MMP26: variants seen among roughly 807,000 people sequenced by gnomAD.
MMP26 encodes the protein matrix metalloproteinase-26.
Under a neutral mutation model 31.0 loss-of-function variants are expected in MMP26, and 33 were observed. That is an observed-to-expected ratio of 1.06 (90% CI 0.81 to 1.42). MMP26 has a LOEUF of 1.42. Ranked by LOEUF, MMP26 falls within the 40% of genes most tolerant of loss-of-function variation. The pLI, the probability that MMP26 is intolerant of heterozygous loss-of-function variation, is 0.00. For missense variants in MMP26, 347 were observed against 316.1 expected (o/e 1.10, Z -0.74); for synonymous variants, 122 against 114.9 (o/e 1.06, Z -0.40).
intron 2 of MMP26, among the ~76,000 whole-genome samples, chr11:4,899,796 T>C (rs537058629): frequency 1.1e-3 from 171 of 152,250 alleles, no homozygotes; most frequent in Middle Eastern, 0.01. Flanking sequence ...ATAAATTTTA[T>C]TTATTTTATT....
intron 2 of MMP26, chr11:4,848,252 C>A: frequency 6.2e-7 from 1 of 1,606,660 alleles, no homozygotes; most frequent in Non-Finnish European, 8.5e-7. Flanking sequence ...GAGCACCACC[C>A]ACCTTCCTGG....
intron 2 of MMP26, among the ~76,000 whole-genome samples, chr11:4,983,892 A>G (rs976700121): frequency 6.6e-6 from 1 of 152,218 alleles, no homozygotes. Context: ...CTGCATTTTT[A>G]TTAATATCCA....
chr11:4,804,147 G>A, intron 2 of MMP26: 2 of 1,614,188 alleles, frequency 1.2e-6, no homozygotes, highest in South Asian at 2.2e-5. Context: ...GTTGAGTGGA[G>A]GAGGAGAGGA....
At chr11:4,906,773 T>C (rs1249744886) in intron 2 of MMP26, among the ~76,000 whole-genome samples, 2 of 152,144 alleles carry the variant, frequency 1.3e-5, no homozygotes, top group Non-Finnish European at 1.5e-5. Flanking sequence ...CATTTTGATA[T>C]GTTTTATATA....
intron 2 of MMP26, among the ~76,000 whole-genome samples, chr11:4,785,940 C>T (rs1009347534): frequency 1.3e-5 from 2 of 152,182 alleles, no homozygotes; most frequent in Non-Finnish European, 2.9e-5. Context: ...AGGGTTTTGC[C>T]TGAGGAAATC....
rs763278327 is a variant in MMP26, at chr11:4,848,350, G to C, written c.-145+81009G>C. 3 of 1,614,000 alleles carry C rather than the reference G, an allele frequency of 1.9e-6. No homozygotes were observed. The African/African-American group carries it at 4.0e-5, about 22-fold the overall frequency. ...TTTATCAATGGAGGAAGAAGGAAAT[G>C]GACATAGGATAGAAGAGTATGGGTA... On this transcript the variant is annotated intron_variant, in intron 2 of 7. Coordinates refer to ENST00000380390, the MANE Select transcript of MMP26 (RefSeq NM_021801.5).
At position 4,948,286 on chromosome 11, in the gene MMP26, T is replaced by C. The variant is rs1846339199; in HGVS notation, c.-144-39782T>C. Among the ~76,000 whole-genome samples, 5 of 124,986 alleles carry C rather than the reference T, an allele frequency of 4.0e-5. 2 individuals are homozygous for C. Among genetic ancestry groups the C allele is most frequent in the Admixed American group, 2.7e-4 (3 of 11,274 alleles). The allele number at this position is 124,986 out of a possible 152,430, so 82.0% of individuals were successfully genotyped here. ...AAATTGTTTTACTTACTGAGTTCCATTACCAGATGATGATTTGGAATCTTG... is the reference window on the plus strand; with the variant it reads ...AAATTGTTTTACTTACTGAGTTCCACTACCAGATGATGATTTGGAATCTTG... On this transcript the variant is annotated intron_variant, in intron 2 of 7. Transcript: ENST00000380390.
chr11:4,857,078 T>C (rs1850064673), intron 2 of MMP26, among the ~76,000 whole-genome samples: 1 of 152,144 alleles, frequency 6.6e-6, no homozygotes, highest in Non-Finnish European at 1.5e-5. Context: ...AAGCAGTGTG[T>C]AGAGGGAAAT....
intron 2 of MMP26, chr11:4,859,853 T>C (rs890157398): frequency 4.2e-6 from 2 of 471,156 alleles, no homozygotes; most frequent in African/African-American, 4.0e-5. Context: ...CTGAGGGTTT[T>C]CAGCCTTTCA....
At chr11:4,852,124 A>C (rs1849984166) in intron 2 of MMP26, among the ~76,000 whole-genome samples, 1 of 152,166 alleles carries the variant, frequency 6.6e-6, no homozygotes, top group African/African-American at 2.4e-5. Context: ...AAAATACGTG[A>C]GAGATGGAGT....
At chr11:4,727,232 C>G (rs1275472872) in intron 1 of MMP26, among the ~76,000 whole-genome samples, 1 of 152,006 alleles carries the variant, frequency 6.6e-6, no homozygotes, top group Non-Finnish European at 1.5e-5. Flanking sequence ...AGGTAACATC[C>G]CATGCATACT....
Position 4,858,617 on chromosome 11 carries a change from G to T in MMP26, c.-145+91276G>T, listed in dbSNP as rs143192139. The stretch of plus-strand genomic sequence containing the variant: ...AACATTCCATGCTCATGGATGGGAA[G>T]AATTAATATCATAAAAATGGCCATA... On this transcript the variant is annotated intron_variant, in intron 2 of 7. Transcript: ENST00000380390. Among the ~76,000 whole-genome samples the T allele has an allele frequency of 4.8e-3, 736 of 152,186 alleles. 6 individuals carry two copies. Among genetic ancestry groups the T allele is most frequent in the African/African-American group, 0.016 (668 of 41,524 alleles).
chr11:4,861,525 A>C (rs76965513), intron 2 of MMP26, among the ~76,000 whole-genome samples: 1 of 151,816 alleles, frequency 6.6e-6, no homozygotes, highest in African/African-American at 2.4e-5. Flanking sequence ...TGTATCCTGG[A>C]TATCTGTTGT....
intron 1 of MMP26, among the ~76,000 whole-genome samples, chr11:4,730,404 AAGAG>A (rs59289871): frequency 3.7e-4 from 53 of 144,992 alleles, no homozygotes; most frequent in South Asian, 1.6e-3. Flanking sequence ...GTTTCTGGGA[AAGAG>A]AGAGAGAGAG....
chr11:4,917,238 T>G (rs1307463937), intron 2 of MMP26, among the ~76,000 whole-genome samples: 1 of 152,182 alleles, frequency 6.6e-6, no homozygotes, highest in Non-Finnish European at 1.5e-5. Context: ...CCTATGAATA[T>G]TCTATTGATA....
chr11:4,959,226 A>T (rs1398049480), intron 2 of MMP26, among the ~76,000 whole-genome samples: 1 of 129,646 alleles, frequency 7.7e-6, no homozygotes, highest in African/African-American at 3.0e-5. Flanking sequence ...CGACAGAGAG[A>T]AACTCTGTCT....
chr11:4,718,164 C>T (rs946579181), intron 1 of MMP26, among the ~76,000 whole-genome samples: 1 of 152,080 alleles, frequency 6.6e-6, no homozygotes, highest in African/African-American at 2.4e-5. Flanking sequence ...AAGAAAATAG[C>T]AGGAGATAAA....
chr11:4,718,407 C>A (rs1159309724), intron 1 of MMP26, among the ~76,000 whole-genome samples: 1 of 152,190 alleles, frequency 6.6e-6, no homozygotes, highest in Non-Finnish European at 1.5e-5. Flanking sequence ...GGGAACCATT[C>A]ATTTCCTGTT....
chr11:4,798,883 C>T (rs1047257705), intron 2 of MMP26, among the ~76,000 whole-genome samples: 3 of 152,172 alleles, frequency 2.0e-5, no homozygotes, highest in Admixed American at 6.5e-5. Context: ...ACTGATGAAG[C>T]TTTCCCCTTT....
Sources: allele counts gnomAD v4.1 joint callset (sites outside exome capture counted in the v4.1 genomes callset), GRCh38; gene constraint gnomAD v4.1.1; transcripts MANE v1.5; gene names NCBI Gene and HGNC (gene_info 2026-07-23, HGNC 2026-07-21).